ADGRL3: variants seen among roughly 807,000 people sequenced by gnomAD.
The protein encoded by ADGRL3 is calcium-independent alpha-latrotoxin receptor 3.
In ADGRL3, 62 loss-of-function variants were observed where a neutral mutation model predicts 153.5. That is an observed-to-expected ratio of 0.40 (90% CI 0.33 to 0.50). The LOEUF (loss-of-function observed/expected upper bound fraction) is 0.50. ADGRL3 is among the 20% of genes least tolerant of loss of function. ADGRL3 has a pLI of 0.47. For synonymous variants in ADGRL3, 710 were observed against 672.5 expected (o/e 1.06, Z -0.86); for missense variants, 1,641 against 1,859.4 (o/e 0.88, Z 2.16).
chr4:61,895,156 C>T (rs2098620447), intron 10 of ADGRL3, among the ~76,000 whole-genome samples: 1 of 152,100 alleles, frequency 6.6e-6, no homozygotes, highest in Non-Finnish European at 1.5e-5. Context: ...CACATCATCT[C>T]ATCCATGAAA....
intron 9 of ADGRL3, among the ~76,000 whole-genome samples, chr4:61,871,878 G>C (rs2098447703): frequency 6.6e-6 from 1 of 152,124 alleles, no homozygotes; most frequent in African/African-American, 2.4e-5. Flanking sequence ...CTGTTTATCT[G>C]TGTGGCTCAC....
chr4:61,406,000 AAACAAAC>A (rs1169602664), intron 2 of ADGRL3, among the ~76,000 whole-genome samples: 4 of 152,054 alleles, frequency 2.6e-5, no homozygotes, highest in African/African-American at 9.6e-5. Flanking sequence ...CACCAGGAAT[AAACAAAC>A]TTCAAACATT....
At chr4:61,769,308 T>C (rs1431888306) in intron 8 of ADGRL3, among the ~76,000 whole-genome samples, 1 of 151,810 alleles carries the variant, frequency 6.6e-6, no homozygotes, top group Non-Finnish European at 1.5e-5. Context: ...AAGGGAGAGA[T>C]TGAAGTGTGG....
chr4:61,933,281 A>T (rs886667148), intron 13 of ADGRL3, among the ~76,000 whole-genome samples: 1 of 151,888 alleles, frequency 6.6e-6, no homozygotes, highest in African/African-American at 2.4e-5. Context: ...TTTTATTTTT[A>T]TTTTTATTTT....
intron 25 of ADGRL3, 41 bp from the exon 26 acceptor site, chr4:62,068,125 C>T (rs1005295831): frequency 7.0e-7 from 1 of 1,422,928 alleles, no homozygotes; most frequent in Non-Finnish European, 9.6e-7. Flanking sequence ...TGTAAGCTTA[C>T]TTGTTGTTTT....
chr4:61,233,589 A>G (rs1260162585), intron 1 of ADGRL3, among the ~76,000 whole-genome samples: 1 of 152,154 alleles, frequency 6.6e-6, no homozygotes, highest in Non-Finnish European at 1.5e-5. Context: ...CAATATATAC[A>G]GGGTAGTTAA....
intron 2 of ADGRL3, among the ~76,000 whole-genome samples, chr4:61,390,644 C>G (rs1190414340): frequency 1.3e-5 from 2 of 152,178 alleles, no homozygotes; most frequent in African/African-American, 4.8e-5. Context: ...ACCCATGCAA[C>G]CACAACTGTT....
chr4:61,519,623 C>G (rs1332906119), intron 4 of ADGRL3, among the ~76,000 whole-genome samples: 1 of 151,962 alleles, frequency 6.6e-6, no homozygotes, highest in Non-Finnish European at 1.5e-5. Flanking sequence ...ATAATCTTTC[C>G]TAATATGGAA....
rs562850291 is a variant in ADGRL3 at position 61,523,307 on chromosome 4, G to A, written c.259+5789G>A. On this transcript the variant is annotated intron_variant, in intron 4 of 26. Coordinates refer to ENST00000683033, the MANE Select transcript of ADGRL3 (RefSeq NM_001387552.1). ...CAGGGATCAATTTTGCTACAGCAAC[G>A]GAAAACTCTTACAAGTTCAGCCTTT... Among the ~76,000 whole-genome samples the A allele has an allele frequency of 3.9e-5, 6 of 152,172 alleles. No homozygotes were observed. In the South Asian group the frequency reaches 8.3e-4, roughly 21 times the overall value.
intron 1 of ADGRL3, 63 bp from the exon 2 acceptor site, chr4:61,383,061 C>A (rs1317677938): frequency 6.6e-6 from 1 of 151,430 alleles, no homozygotes; most frequent in African/African-American, 2.4e-5. Context: ...ACAACTGTAA[C>A]CATAAAACAG....
chr4:61,229,729 T>C lies in ADGRL3; in HGVS notation c.-240+27964T>C, dbSNP rs1372029449. ...GACCAGCCTGGGCAACACAGCAAGA[T>C]CCTAGCTCTACAAAACATTTTTAAA... On this transcript the variant is annotated intron_variant, in intron 1 of 26. Coordinates refer to ENST00000683033, the MANE Select transcript of ADGRL3 (RefSeq NM_001387552.1). Among the ~76,000 whole-genome samples the C allele has an allele frequency of 2.0e-5, 3 of 151,096 alleles. No homozygotes were observed. The East Asian group carries it at 5.8e-4, about 29-fold the overall frequency.
Position 61,866,128 on chromosome 4 carries a change from C to G in ADGRL3, c.1481-26528C>G, listed in dbSNP as rs1042879485. ...CTTCCAGGCAAGCACCATCCCCTGCCCCTGAGAAATTTATGCAGCCTTCCT... is the reference window on the plus strand; with the variant it reads ...CTTCCAGGCAAGCACCATCCCCTGCGCCTGAGAAATTTATGCAGCCTTCCT... On this transcript the variant is annotated intron_variant, in intron 9 of 26. Transcript: ENST00000683033. Among the ~76,000 whole-genome samples the G allele has an allele frequency of 2.0e-5, 3 of 152,268 alleles. No individual in the cohort carries two copies. In the East Asian group the frequency reaches 5.8e-4, roughly 29 times the overall value.
chr4:61,641,751 G>T (rs1020108813), intron 5 of ADGRL3, among the ~76,000 whole-genome samples: 42 of 151,376 alleles, frequency 2.8e-4, no homozygotes, highest in African/African-American at 9.7e-4. Context: ...AAACATACGT[G>T]TGCATGTGTC....
chr4:61,456,410 T>TATATAGATATATCTATATCTATAG (rs2097747731), intron 2 of ADGRL3, among the ~76,000 whole-genome samples: 1 of 55,432 alleles, frequency 1.8e-5, no homozygotes, highest in African/African-American at 4.7e-5. Context: ...TATCTATATA[T>TATATAGATATATCTATATCTATAG]ATATAGATAT....
At chr4:62,027,716 G>A (rs1002373680) in intron 21 of ADGRL3, among the ~76,000 whole-genome samples, 6 of 151,788 alleles carry the variant, frequency 4.0e-5, no homozygotes, top group African/African-American at 7.2e-5. Flanking sequence ...AATAATAACC[G>A]TATATAGTAT....
chr4:61,223,585 C>T (rs148888011), intron 1 of ADGRL3, among the ~76,000 whole-genome samples: 199 of 152,328 alleles, frequency 1.3e-3, no homozygotes, highest in Admixed American at 4.8e-3. Flanking sequence ...AAGTCAACAT[C>T]GTGGGCGTTT....
At chr4:61,878,421 A>G (rs1197189386) in intron 9 of ADGRL3, among the ~76,000 whole-genome samples, 7 of 152,200 alleles carry the variant, frequency 4.6e-5, no homozygotes, top group Non-Finnish European at 8.8e-5. Flanking sequence ...TGGGTTTTGT[A>G]TATTACTATA....
At chr4:62,015,205 A>T (rs570258824) in intron 21 of ADGRL3, among the ~76,000 whole-genome samples, 5 of 152,174 alleles carry the variant, frequency 3.3e-5, no homozygotes, top group African/African-American at 1.2e-4. Context: ...TCTCCACTAC[A>T]TACAGCTATG....
Position 61,570,806 on chromosome 4 carries a change from T to C in ADGRL3, c.260-16421T>C, listed in dbSNP as rs564880362. On this transcript the variant is annotated intron_variant, in intron 4 of 26. Coordinates refer to ENST00000683033, the MANE Select transcript of ADGRL3 (RefSeq NM_001387552.1). ...GTTCTCTTCAACATAATCTAACACA[T>C]ATTCTCCCAGGTCATTTGCATTATT... is the stretch of plus-strand genomic sequence containing the variant. 9.0e-4 allele frequency among the ~76,000 whole-genome samples: 137 copies of C among 152,290 alleles called. 1 individual carries two copies. The highest frequency in any genetic ancestry group is 3.1e-3 in the African/African-American group (127 of 41,572).
Sources: gnomAD v4.1 joint callset for allele counts (sites outside exome capture counted in the v4.1 genomes callset) on GRCh38, gnomAD v4.1.1 for gene constraint, MANE v1.5 for transcripts, NCBI Gene and HGNC (gene_info 2026-07-23, HGNC 2026-07-21) for gene names.